The following SP7 variants were observed in gnomAD, a reference collection of about 807,000 sequenced individuals.
The protein encoded by SP7 is transcription factor Sp7.
SP7 carries 13 observed loss-of-function variants against 27.9 expected under a neutral mutation model. That is an observed-to-expected ratio of 0.47 (90% CI 0.30 to 0.74). The LOEUF (loss-of-function observed/expected upper bound fraction) is 0.74. SP7 is among the 30% of genes least tolerant of loss of function. The pLI is 0.06. For synonymous variants in SP7, 219 were observed against 226.7 expected, an observed-to-expected ratio of 0.97 and a Z score of 0.31; for missense variants, 525 against 558.0, an observed-to-expected ratio of 0.94 and a Z score of 0.60.
Position 53,327,985 on chromosome 12 carries a change from G to T in SP7, c.*161C>A. On this transcript the variant is annotated 3_prime_UTR_variant, in exon 3 of 3. Coordinates refer to ENST00000536324, the MANE Select transcript of SP7 (RefSeq NM_001173467.3). ...GAGAGAAGGTGAGCTGAGGAGGCAT[G>T]CAAGGAGATACCCAAGCCCAGAATG... is the stretch of plus-strand genomic sequence containing the variant. 1 of 675,232 alleles carries T rather than the reference G, an allele frequency of 1.5e-6. No individual in the cohort carries two copies. Among genetic ancestry groups the T allele is most frequent in the Non-Finnish European group, 2.4e-6 (1 of 410,534 alleles). 41.8% of individuals were successfully genotyped at this position (675,232 alleles called of 1,614,324 possible).
chr12:53,338,225 G>C (rs1049024568), upstream of SP7, among the ~76,000 whole-genome samples: 4 of 152,144 alleles, frequency 2.6e-5, no homozygotes, highest in Non-Finnish European at 4.4e-5. Flanking sequence ...CACCCCACCC[G>C]TCTGCCTGAG....
Position 53,336,246 on chromosome 12 carries a change from G to A in SP7, c.-148C>T, listed in dbSNP as rs186239546. On this transcript the variant is annotated 5_prime_UTR_variant, in exon 1 of 3. Transcript: ENST00000536324. ...GGCCTGAGGGTGCTGGGAGGGATCC[G>A]CTCTCTCCCAGGCCAGCTCCACTCC... The A allele has an allele frequency of 2.5e-5, 4 of 158,212 alleles. No homozygotes were observed. The highest frequency in any genetic ancestry group is 3.8e-4 in the East Asian group (2 of 5,328). The allele number at this position is 158,212 out of a possible 1,614,324, so 9.8% of individuals were successfully genotyped here.
Position 53,328,607 on chromosome 12 carries a change from C to G in SP7, c.835G>C (p.Glu279Gln), listed in dbSNP as rs955029377. The G allele has an allele frequency of 1.2e-5, 20 of 1,610,380 alleles. No individual in the cohort carries two copies. Among genetic ancestry groups the G allele is most frequent in the Non-Finnish European group, 1.6e-5 (19 of 1,177,442 alleles). ...SCDCPNCQEL[E>Q]RLGAAAAGLR... ...CCAGCCGCTGCTGCTCCCAGCCGCT[C>G]TAGCTCCTGGCAATTAGGGCAGTCG... is the stretch of plus-strand genomic sequence containing the variant. The change falls in exon 3 of 3, where the codon GAG becomes CAG. Residue 279 changes from glutamate (E) to glutamine (Q), a missense_variant. Transcript: ENST00000536324. The surrounding 1 kb of genome is among the most constrained non-coding windows in gnomAD (Gnocchi z 5.1).
chr12:53,331,149 G>A lies in SP7; in HGVS notation c.22-1729C>T, dbSNP rs150539004. Reference sequence around the variant, plus strand: ...ACTGTGAATGAAGGAAGACATGGATGTAGTATATGGGAGTCTTTTAGAAAT... The same window carrying A: ...ACTGTGAATGAAGGAAGACATGGATATAGTATATGGGAGTCTTTTAGAAAT... On this transcript the variant is annotated intron_variant, in intron 2 of 2. Coordinates refer to ENST00000536324, the MANE Select transcript of SP7 (RefSeq NM_001173467.3). Among the ~76,000 whole-genome samples the A allele has an allele frequency of 7.6e-4, 115 of 152,276 alleles. 1 individual carries two copies. The highest frequency in any genetic ancestry group is 8.8e-5 in the Non-Finnish European group (6 of 68,020).
intron 2 of SP7, among the ~76,000 whole-genome samples, chr12:53,333,780 G>C (rs1006826157): frequency 7.1e-6 from 1 of 141,722 alleles, no homozygotes; most frequent in Non-Finnish European, 1.5e-5. Context: ...TCCTGGGGAG[G>C]TGGGGAGGAA....
upstream of SP7, among the ~76,000 whole-genome samples, chr12:53,339,810 G>A (rs556777676): frequency 2.0e-5 from 3 of 151,184 alleles, no homozygotes; most frequent in South Asian, 4.2e-4. Flanking sequence ...TACTTCCATC[G>A]TCCACACCAT....
rs777578584 is a variant in SP7, at chr12:53,328,986, G to C, written c.456C>G (p.Gly152=). The change falls in exon 3 of 3, where the codon GGC becomes GGG. Residue 152 remains glycine, a synonymous_variant. Coordinates refer to ENST00000536324, the MANE Select transcript of SP7 (RefSeq NM_001173467.3). This position sits in a 1 kb window ranked among gnomAD's most constrained non-coding sequence, Gnocchi z 5.1. ...TATCCCACCATGGAGTAGGAGTGTT[G>C]CCTGGGCCTGGTGAAATGCCTGCAT... ...GIHAGISPGP[G]NTPTPWWDMH... is the part of the protein sequence containing the mutation. The C allele has an allele frequency of 1.9e-6, 3 of 1,613,106 alleles. No individual in the cohort carries two copies. The highest frequency in any genetic ancestry group is 2.5e-6 in the Non-Finnish European group (3 of 1,179,484).
intron 1 of SP7, among the ~76,000 whole-genome samples, chr12:53,342,178 A>C (rs1358856272): frequency 6.6e-6 from 1 of 151,466 alleles, no homozygotes; most frequent in African/African-American, 2.4e-5. Flanking sequence ...TAGGAGAATC[A>C]CTTGAACCCA....
At position 53,335,786 on chromosome 12, in the gene SP7, C is replaced by A. The variant is rs767543557; in HGVS notation, c.-47-93G>T. On this transcript the variant is annotated intron_variant, in intron 1 of 2. Coordinates refer to ENST00000536324, the MANE Select transcript of SP7 (RefSeq NM_001173467.3). ...GAAGAGATCTAAAGTTAGAAGGGAC[C>A]GGGGTGGGGGGCTGCTCTCTGTCTG... The A allele has an allele frequency of 3.0e-6, 4 of 1,344,046 alleles. No individual in the cohort carries two copies. The East Asian group carries it at 1.3e-4, about 42-fold the overall frequency. The allele number at this position is 1,344,046 out of a possible 1,614,324, so 83.3% of individuals were successfully genotyped here.
intron 1 of SP7, 116 bp from the exon 2 acceptor site, chr12:53,335,809 C>T: frequency 7.1e-7 from 1 of 1,415,406 alleles, no homozygotes; most frequent in Non-Finnish European, 9.2e-7. Flanking sequence ...TGCTCTCTGT[C>T]TGTAGGGATC....
chr12:53,337,472 G>T (rs190611249), upstream of SP7, among the ~76,000 whole-genome samples: 10 of 152,300 alleles, frequency 6.6e-5, no homozygotes, highest in Non-Finnish European at 1.2e-4. Flanking sequence ...TCTCCCACAG[G>T]GGGGCTTAGC....
rs527645997 is a variant in SP7, at chr12:53,328,150, A to G, written c.1292T>C (p.Ile431Thr). 1 of 1,609,662 alleles carries G rather than the reference A, an allele frequency of 6.2e-7. No homozygotes were observed. Among genetic ancestry groups the G allele is most frequent in the East Asian group, 2.2e-5 (1 of 44,816 alleles). ...GTGGGAGACCTTCCACCCGGCTCAG[A>G]TCTCCAGCAAGTTGCTCTGCTCAGG... ...GSPEQSNLLE[I>T] Residue 431 changes from isoleucine (I) to threonine (T), a missense_variant, in exon 3 of 3, where the codon ATC (isoleucine) becomes ACC (threonine). By Grantham distance (89) the Ile-to-Thr change is moderately conservative. Coordinates refer to ENST00000536324, the MANE Select transcript of SP7 (RefSeq NM_001173467.3). The surrounding 1 kb of genome is among the most constrained non-coding windows in gnomAD (Gnocchi z 5.1).
chr12:53,338,106 CGGA>C (rs56061756), upstream of SP7, among the ~76,000 whole-genome samples: 208 of 136,288 alleles, frequency 1.5e-3, 1 homozygote, highest in African/African-American at 4.1e-3. Flanking sequence ...TAGCCAGGTC[CGGA>C]GGAGGAGGAG....
Position 53,329,349 on chromosome 12 carries a change from G to T in SP7, c.93C>A (p.Ser31Arg). The change falls in exon 3 of 3, where the codon AGC becomes AGA. Residue 31 changes from serine to arginine, a missense_variant. Physicochemically the swap from Ser to Arg is moderately radical, Grantham distance 110 (BLOSUM62 -1). Transcript: ENST00000536324. ...CCAGAGTTGTTGAGTCCCGCAGAGG[G>T]CTAGAGCCACCAAATTTGCTGCACG... is the stretch of plus-strand genomic sequence containing the variant. ...TAACSKFGGS[S>R]PLRDSTTLGK... The T allele has an allele frequency of 1.9e-6, 3 of 1,613,968 alleles. No individual in the cohort carries two copies. Among genetic ancestry groups the T allele is most frequent in the Non-Finnish European group, 2.5e-6 (3 of 1,179,894 alleles).
chr12:53,341,618 G>A (rs1237413680), intron 1 of SP7, among the ~76,000 whole-genome samples: 1 of 152,192 alleles, frequency 6.6e-6, no homozygotes, highest in African/African-American at 2.4e-5. Context: ...CTAGGAGTGA[G>A]GCTGAGCAAC....
In SP7 at chr12:53,328,205, C is replaced by T. The variant is rs1447939592; in HGVS notation, c.1237G>A (p.Ala413Thr). 6.2e-7 allele frequency: 1 copy of T among 1,613,208 alleles called. No homozygotes were observed. Residue 413 changes from alanine to threonine, a missense_variant, in exon 3 of 3, where the codon GCA becomes ACA. Transcript: ENST00000536324. The surrounding 1 kb of genome is among the most constrained non-coding windows in gnomAD (Gnocchi z 5.1). Reference protein sequence around the residue: ...SQTPRPSASPATPEKAPGGSP... With the variant: ...SQTPRPSASPTTPEKAPGGSP... Reference sequence around the variant, plus strand: ...CCTCCAGGGGCTTTCTCTGGGGTTGCTGGCGAGGCAGAAGGTCGGGGCGTC... The same window carrying T: ...CCTCCAGGGGCTTTCTCTGGGGTTGTTGGCGAGGCAGAAGGTCGGGGCGTC...
intron 2 of SP7, among the ~76,000 whole-genome samples, chr12:53,333,569 A>G (rs1944730944): frequency 1.3e-5 from 2 of 152,012 alleles, no homozygotes; most frequent in African/African-American, 2.4e-5. Flanking sequence ...TCAAGGTCCC[A>G]TTTTCCAGTT....
chr12:53,338,700 A>G (rs1258822934), upstream of SP7, among the ~76,000 whole-genome samples: 1 of 152,134 alleles, frequency 6.6e-6, no homozygotes, highest in African/African-American at 2.4e-5. Flanking sequence ...TCGGAGAAAT[A>G]AAAAGGAGGA....
intron 1 of SP7, among the ~76,000 whole-genome samples, chr12:53,343,148 A>G (rs1020412239): frequency 1.3e-4 from 20 of 151,918 alleles, no homozygotes; most frequent in Admixed American, 9.8e-4. Context: ...ATACAAAAAA[A>G]AAAAAACATA....
Sources: gnomAD v4.1 joint callset for allele counts (sites outside exome capture counted in the v4.1 genomes callset) on GRCh38, gnomAD v4.1.1 for gene constraint, Gnocchi (gnomAD v3.1) non-coding constraint, MANE v1.5 for transcripts, NCBI Gene and HGNC (gene_info 2026-07-23, HGNC 2026-07-21) for gene names.